LIPG: variants seen among roughly 807,000 people sequenced by gnomAD.
The protein encoded by LIPG is endothelial lipase.
LIPG carries 34 observed loss-of-function variants against 51.8 expected under a neutral mutation model. The observed-to-expected ratio is 0.66, with a 90% CI of 0.50 to 0.87. LIPG has a LOEUF of 0.87. Among genes scored for constraint, LIPG ranks in the 40% least tolerant of loss-of-function variants. LIPG has a pLI of 0.00. For missense variants in LIPG, 580 were observed against 652.7 expected, an observed-to-expected ratio of 0.89 and a Z score of 1.21; for synonymous variants, 246 against 246.1, an observed-to-expected ratio of 1.00 and a Z score of 0.00.
intron 8 of LIPG, among the ~76,000 whole-genome samples, chr18:49,585,129 T>C (rs1304468334): frequency 6.6e-6 from 1 of 152,236 alleles, no homozygotes; most frequent in Non-Finnish European, 1.5e-5. Flanking sequence ...TGGCACAATC[T>C]TGGCTCACTG....
At chr18:49,564,264 G>A (rs1343077311) in intron 1 of LIPG, among the ~76,000 whole-genome samples, 1 of 152,192 alleles carries the variant, frequency 6.6e-6, no homozygotes, top group African/African-American at 2.4e-5. Flanking sequence ...GGTGATAGGA[G>A]AGTTTGATAC....
intron 9 of LIPG, chr18:49,590,215 T>C (rs1409012716): frequency 4.0e-6 from 2 of 496,894 alleles, no homozygotes; most frequent in Non-Finnish European, 7.4e-6. Context: ...GTGTATGTTG[T>C]GGGTGGATAA....
chr18:49,587,528 C>T (rs1250088267), intron 9 of LIPG, among the ~76,000 whole-genome samples: 1 of 126,810 alleles, frequency 7.9e-6, no homozygotes, highest in Non-Finnish European at 1.6e-5. Flanking sequence ...GAGATTGCAC[C>T]ACTGCACTCC....
intron 9 of LIPG, among the ~76,000 whole-genome samples, chr18:49,587,162 T>C (rs999720798): frequency 6.7e-6 from 1 of 149,206 alleles, no homozygotes; most frequent in African/African-American, 2.5e-5. Flanking sequence ...TAATCCCAGC[T>C]ACTTGGGAGG....
At chr18:49,580,409 C>A (rs1457670465) in intron 5 of LIPG, among the ~76,000 whole-genome samples, 3 of 152,186 alleles carry the variant, frequency 2.0e-5, no homozygotes, top group African/African-American at 7.2e-5. Context: ...TCCAACTCTG[C>A]TGATGTAGCA....
Position 49,583,748 on chromosome 18 carries a change from G to A in LIPG, c.1350G>A (p.Arg450=). 1 of 1,613,282 alleles carries A rather than the reference G, an allele frequency of 6.2e-7. No individual in the cohort carries two copies. Among genetic ancestry groups the A allele is most frequent in the Non-Finnish European group, 8.5e-7 (1 of 1,179,850 alleles). The change falls in exon 8 of 10, where the codon CGG becomes CGA. Residue 450 remains arginine, a synonymous_variant. Coordinates refer to ENST00000261292, the MANE Select transcript of LIPG (RefSeq NM_006033.4). Reference sequence around the variant, plus strand: ...GGGAGCTGAATATCAGGCGCATCCGGGTGAAGTCTGGGGAAACCCAGCGGA... The same window carrying A: ...GGGAGCTGAATATCAGGCGCATCCGAGTGAAGTCTGGGGAAACCCAGCGGA... ...PGRELNIRRI[R]VKSGETQRKL... is the part of the protein sequence containing the mutation.
At chr18:49,573,263 C>T (rs866054823) in intron 4 of LIPG, among the ~76,000 whole-genome samples, 8 of 152,160 alleles carry the variant, frequency 5.3e-5, no homozygotes, top group Non-Finnish European at 8.8e-5. Flanking sequence ...AGGGAGAGGC[C>T]GCTGTGTCAG....
chr18:49,587,113 A>G (rs900502493), intron 9 of LIPG, among the ~76,000 whole-genome samples: 2 of 151,318 alleles, frequency 1.3e-5, no homozygotes, highest in African/African-American at 4.9e-5. Context: ...TACTAAAAAA[A>G]AAAAAAAAAA....
chr18:49,576,457 CTTTT>C (rs34597464), intron 5 of LIPG, among the ~76,000 whole-genome samples: 1 of 51,546 alleles, frequency 1.9e-5, no homozygotes, highest in Non-Finnish European at 3.5e-5. Flanking sequence ...CAGAATCTTG[CTTTT>C]TTTTTTTTTT....
At chr18:49,561,628 G>A, upstream of LIPG, 1 of 1,205,196 alleles carries the variant, frequency 8.3e-7, no homozygotes. Context: ...ACGGACTCCC[G>A]GCCCAGGGAG....
chr18:49,578,292 C>T (rs1789936119), intron 5 of LIPG, among the ~76,000 whole-genome samples: 1 of 145,400 alleles, frequency 6.9e-6, no homozygotes, highest in Non-Finnish European at 1.5e-5. Context: ...CAGAGGGTCT[C>T]CTCACTTCTC....
chr18:49,575,668 T>C (rs2084708464), intron 5 of LIPG, 78 bp downstream of exon 5: 3 of 1,123,880 alleles, frequency 2.7e-6, no homozygotes, highest in Non-Finnish European at 3.9e-6. Flanking sequence ...CCTTTAGCAC[T>C]GCAGGCACTA....
intron 5 of LIPG, 129 bp downstream of exon 5, chr18:49,575,719 T>G: frequency 3.9e-6 from 3 of 774,764 alleles, no homozygotes; most frequent in African/African-American, 1.7e-5. Flanking sequence ...AGGCCTCCAA[T>G]GCTGTATTTA....
chr18:49,585,018 A>T lies in LIPG; in HGVS notation c.1376+1244A>T, dbSNP rs144024388. 4.1e-3 allele frequency among the ~76,000 whole-genome samples: 622 copies of T among 152,308 alleles called. 5 individuals are homozygous for T. The highest frequency in any genetic ancestry group is 0.014 in the African/African-American group (596 of 41,570). ...AAATATAACTAATATTTCAATGTTA[A>T]CAAATGTTAGTGTGTTTCCTTCCAT... On this transcript the variant is annotated intron_variant, in intron 8 of 9. Transcript: ENST00000261292.
intron 5 of LIPG, among the ~76,000 whole-genome samples, chr18:49,578,592 G>A (rs777326698): frequency 1.0e-4 from 15 of 149,244 alleles, no homozygotes; most frequent in African/African-American, 2.0e-4. Flanking sequence ...GCGGCCAGGC[G>A]GAGACACTCC....
intron 4 of LIPG, among the ~76,000 whole-genome samples, chr18:49,573,763 T>C (rs945058686): frequency 2.6e-5 from 4 of 152,188 alleles, no homozygotes; most frequent in African/African-American, 9.7e-5. Flanking sequence ...CTGGTTCTAA[T>C]GTGCTGTGGT....
rs1418037774 is a variant in LIPG at position 49,597,071 on chromosome 18, A to G, written c.*6549A>G. ...GATTTGCATGGAGGCAGTAGGTCAA[A>G]TCAAAAGGAAATTTTCCTCTCCCTA... On this transcript the variant is annotated 3_prime_UTR_variant, in exon 10 of 10. Transcript: ENST00000261292. 1.3e-5 allele frequency: 2 copies of G among 152,232 alleles called. No individual in the cohort carries two copies. Among genetic ancestry groups the G allele is most frequent in the Non-Finnish European group, 2.9e-5 (2 of 68,054 alleles). The allele number at this position is 152,232 out of a possible 1,614,324, so 9.4% of individuals were successfully genotyped here.
Position 49,583,688 on chromosome 18 carries a change from T to C in LIPG, c.1290T>C (p.Phe430=). The stretch of plus-strand genomic sequence containing the variant: ...CTTGGTACAACCTGTGGAAGGAGTT[T>C]CGCAGCTACCTGTCTCAACCCCGCA... The part of the protein sequence containing the change: ...SQSWYNLWKE[F]RSYLSQPRNP... Residue 430 remains phenylalanine, a synonymous_variant, in exon 8 of 10, where the codon TTT becomes TTC. Coordinates refer to ENST00000261292, the MANE Select transcript of LIPG (RefSeq NM_006033.4). The C allele has an allele frequency of 6.2e-7, 1 of 1,614,152 alleles. No individual in the cohort carries two copies.
intron 5 of LIPG, among the ~76,000 whole-genome samples, chr18:49,579,769 T>TTTCC (rs1568533484): frequency 0.063 from 1,715 of 27,270 alleles, 9 homozygotes; most frequent in Non-Finnish European, 0.091. Flanking sequence ...CTTTCCTTTC[T>TTTCC]TTTCTTTTCT....
Sources: allele counts gnomAD v4.1 joint callset (sites outside exome capture counted in the v4.1 genomes callset), GRCh38; gene constraint gnomAD v4.1.1; transcripts MANE v1.5; gene names NCBI Gene and HGNC (gene_info 2026-07-23, HGNC 2026-07-21).